Variants in TAFA2 observed in about 807,000 individuals in gnomAD.
TAFA2 encodes the protein TAFA chemokine like family member 2.
In TAFA2, 7 loss-of-function variants were observed where a neutral mutation model predicts 18.8. That is an observed-to-expected ratio of 0.37 (90% CI 0.21 to 0.70). The LOEUF (loss-of-function observed/expected upper bound fraction) is 0.70, where lower values mean the gene tolerates loss of function less well. TAFA2 is among the 30% of genes least tolerant of loss of function. The pLI is 0.53. For missense variants in TAFA2, 122 were observed against 158.1 expected (o/e 0.77, Z 1.23); for synonymous variants, 60 against 54.2 (o/e 1.11, Z -0.47).
chr12:62,143,898 AT>A (rs2062258571), intron 1 of TAFA2, among the ~76,000 whole-genome samples: 3 of 151,788 alleles, frequency 2.0e-5, no homozygotes, highest in Non-Finnish European at 4.4e-5. Flanking sequence ...CAAAAAAAAA[AT>A]TAGCTGAGCA....
chr12:62,093,857 T>C (rs1460399469), intron 1 of TAFA2, among the ~76,000 whole-genome samples: 1 of 152,038 alleles, frequency 6.6e-6, no homozygotes, highest in Admixed American at 6.6e-5. Flanking sequence ...AATACCATCA[T>C]GAATCCAAAA....
chr12:62,220,694 A>G (rs553026427), intron 1 of TAFA2, among the ~76,000 whole-genome samples: 2 of 152,322 alleles, frequency 1.3e-5, no homozygotes, highest in Non-Finnish European at 2.9e-5. Flanking sequence ...GTGTGTACGC[A>G]GTGGCATATG....
At chr12:61,857,892 A>G (rs746979116) in intron 2 of TAFA2, among the ~76,000 whole-genome samples, 2 of 152,230 alleles carry the variant, frequency 1.3e-5, no homozygotes, top group Non-Finnish European at 2.9e-5. Context: ...CCCAGGGGAA[A>G]AAAAAGAGAC....
At chr12:61,858,686 A>C (rs2121186376) in intron 2 of TAFA2, among the ~76,000 whole-genome samples, 1 of 152,198 alleles carries the variant, frequency 6.6e-6, no homozygotes, top group East Asian at 1.9e-4. Context: ...ATTTACTGCT[A>C]AGTGAAAAAA....
intron 1 of TAFA2, among the ~76,000 whole-genome samples, chr12:62,057,961 G>A (rs926381425): frequency 1.3e-5 from 2 of 152,130 alleles, no homozygotes; most frequent in African/African-American, 4.8e-5. Context: ...TTCCTTTAAT[G>A]AAGGATCACC....
intron 1 of TAFA2, among the ~76,000 whole-genome samples, chr12:62,006,225 G>GTTTGT (rs902399598): frequency 1.3e-5 from 2 of 152,194 alleles, no homozygotes; most frequent in South Asian, 2.1e-4. Flanking sequence ...TTTATCAGTG[G>GTTTGT]TTTGTTTTGT....
intron 2 of TAFA2, among the ~76,000 whole-genome samples, chr12:61,824,912 A>G (rs1050091735): frequency 2.0e-5 from 3 of 152,168 alleles, no homozygotes. Context: ...AAAGGATCAC[A>G]GTTTCAGAAC....
intron 1 of TAFA2, among the ~76,000 whole-genome samples, chr12:61,893,463 G>A (rs146730559): frequency 8.6e-4 from 131 of 152,322 alleles, no homozygotes; most frequent in African/African-American, 3.0e-3. Flanking sequence ...ACAGGACGAT[G>A]TGTGTGTGAA....
At chr12:62,173,344 G>A (rs891431881) in intron 1 of TAFA2, among the ~76,000 whole-genome samples, 5 of 152,068 alleles carry the variant, frequency 3.3e-5, no homozygotes, top group Non-Finnish European at 5.9e-5. Context: ...CCCAGGAGGC[G>A]GAGGTTGTGG....
At chr12:62,157,044 C>T (rs1450197660) in intron 1 of TAFA2, among the ~76,000 whole-genome samples, 3 of 151,992 alleles carry the variant, frequency 2.0e-5, no homozygotes, top group Non-Finnish European at 4.4e-5. Flanking sequence ...CCTTAGACCT[C>T]ATTTGCAAGT....
At chr12:62,226,347 C>A (rs2062786467) in intron 1 of TAFA2, among the ~76,000 whole-genome samples, 1 of 152,160 alleles carries the variant, frequency 6.6e-6, no homozygotes, top group Non-Finnish European at 1.5e-5. Flanking sequence ...GCACCCGCCA[C>A]CACGCCTGGC....
At chr12:61,836,756 T>TATATATATGTATATATATATAC (rs68158949) in intron 2 of TAFA2, among the ~76,000 whole-genome samples, 2 of 119,848 alleles carry the variant, frequency 1.7e-5, no homozygotes, top group Non-Finnish European at 3.6e-5. Context: ...TATATATATA[T>TATATATATGTATATATATATAC]ACACACACAC....
chr12:61,893,034 T>C lies in TAFA2; in HGVS notation c.-1-25608A>G, dbSNP rs890168911. 1.2e-4 allele frequency among the ~76,000 whole-genome samples: 18 copies of C among 151,970 alleles called. 1 individual carries two copies. The highest frequency in any genetic ancestry group is 9.8e-4 in the Admixed American group (15 of 15,260). ...GATTATAAATAGAGAAGACCCAAGA[T>C]CTAAAACACTCCTAACTTTAAAGGT... On this transcript the variant is annotated intron_variant, in intron 1 of 4. Coordinates refer to ENST00000416284, the MANE Select transcript of TAFA2 (RefSeq NM_178539.5).
chr12:62,032,207 A>C (rs1881477972), intron 1 of TAFA2, among the ~76,000 whole-genome samples: 1 of 152,192 alleles, frequency 6.6e-6, no homozygotes, highest in Admixed American at 6.5e-5. Flanking sequence ...CATAATGTTT[A>C]AAATATGGAG....
chr12:61,728,691 C>T (rs1490178382), intron 4 of TAFA2, among the ~76,000 whole-genome samples: 1 of 151,742 alleles, frequency 6.6e-6, no homozygotes, highest in African/African-American at 2.4e-5. Flanking sequence ...TGCCATTCTG[C>T]ATATTTGAAG....
intron 2 of TAFA2, among the ~76,000 whole-genome samples, chr12:61,849,617 G>A (rs1050645079): frequency 1.8e-4 from 27 of 152,136 alleles, no homozygotes; most frequent in Non-Finnish European, 4.0e-4. Flanking sequence ...AACTACAGGA[G>A]ACACTTAAAT....
chr12:62,120,846 T>TTA (rs1298717594), intron 1 of TAFA2, among the ~76,000 whole-genome samples: 38 of 150,714 alleles, frequency 2.5e-4, no homozygotes, highest in African/African-American at 9.0e-4. Flanking sequence ...ATTATTATTA[T>TTA]TTATTTTATT....
At chr12:61,836,710 T>C (rs114208298) in intron 2 of TAFA2, among the ~76,000 whole-genome samples, 3,203 of 145,322 alleles carry the variant, frequency 0.022, 123 homozygotes, top group African/African-American at 0.076. Context: ...TAGCACTTAG[T>C]ATTTAGAATT....
intron 4 of TAFA2, among the ~76,000 whole-genome samples, chr12:61,750,822 C>T (rs1028617137): frequency 2.0e-5 from 3 of 152,084 alleles, no homozygotes; most frequent in Non-Finnish European, 2.9e-5. Context: ...TCCCATAAGA[C>T]CAACATATCT....
Sources: allele counts gnomAD v4.1 joint callset (sites outside exome capture counted in the v4.1 genomes callset), GRCh38; gene constraint gnomAD v4.1.1; transcripts MANE v1.5; gene names NCBI Gene and HGNC (gene_info 2026-07-23, HGNC 2026-07-21).